The following PCLO variants were observed in gnomAD, a reference collection of about 807,000 sequenced individuals.
PCLO encodes protein piccolo.
In PCLO, 82 loss-of-function variants were observed where a neutral mutation model predicts 427.5. The ratio of observed to expected loss-of-function variants is 0.19; its 90% CI spans 0.16 to 0.23. The LOEUF (loss-of-function observed/expected upper bound fraction) is 0.23. Ranked by LOEUF, PCLO falls within the 10% of genes least tolerant of loss-of-function variation. The probability of loss-of-function intolerance (pLI) is 1.00; values close to 1 mark genes in which losing one functional copy is unlikely to be tolerated. For missense variants in PCLO, 6,239 were observed against 6,115.9 expected (o/e 1.02, Z -0.67); for synonymous variants, 2,357 against 2,155.4 (o/e 1.09, Z -2.59).
chr7:82,924,126 A>G (rs1794659361), intron 6 of PCLO, among the ~76,000 whole-genome samples: 1 of 152,112 alleles, frequency 6.6e-6, no homozygotes, highest in Admixed American at 6.6e-5. Context: ...TGTTTATCAT[A>G]GTGCCTTACT....
intron 3 of PCLO, among the ~76,000 whole-genome samples, chr7:83,092,266 C>T (rs908537511): frequency 5.9e-5 from 9 of 152,154 alleles, no homozygotes; most frequent in African/African-American, 2.2e-4. Context: ...GACATGATAG[C>T]TTTTCAGTCC....
At chr7:82,890,734 A>G (rs139309219) in intron 9 of PCLO, among the ~76,000 whole-genome samples, 26 of 152,126 alleles carry the variant, frequency 1.7e-4, no homozygotes, top group African/African-American at 4.8e-4. Context: ...ACCATGCTTC[A>G]TCTAGAGTCT....
At chr7:83,131,342 A>G (rs1791567036) in intron 3 of PCLO, among the ~76,000 whole-genome samples, 1 of 152,136 alleles carries the variant, frequency 6.6e-6, no homozygotes, top group African/African-American at 2.4e-5. Flanking sequence ...CTCCTCAGGT[A>G]CAGTGGGAGG....
intron 10 of PCLO, among the ~76,000 whole-genome samples, chr7:82,877,226 T>C (rs943644488): frequency 6.6e-6 from 1 of 152,122 alleles, no homozygotes; most frequent in Admixed American, 6.5e-5. Flanking sequence ...ATATACTGCG[T>C]TGATATTGTC....
At chr7:82,839,807 C>T (rs1207316322) in intron 14 of PCLO, among the ~76,000 whole-genome samples, 2 of 152,000 alleles carry the variant, frequency 1.3e-5, no homozygotes, top group Non-Finnish European at 2.9e-5. Context: ...ATGGGATGCC[C>T]CAGCAATCTT....
At chr7:82,858,234 A>C (rs1203271966) in intron 10 of PCLO, among the ~76,000 whole-genome samples, 1 of 152,142 alleles carries the variant, frequency 6.6e-6, no homozygotes, top group African/African-American at 2.4e-5. Context: ...CATCTCAATA[A>C]ATGTAGAAAA....
At chr7:82,991,125 T>C (rs905523771) in intron 3 of PCLO, among the ~76,000 whole-genome samples, 5 of 152,120 alleles carry the variant, frequency 3.3e-5, no homozygotes, top group Admixed American at 2.6e-4. Context: ...TTCTATCCAA[T>C]GGGGATAAAA....
chr7:82,758,443 A>T lies in PCLO; in HGVS notation c.*132T>A, dbSNP rs993663933. On this transcript the variant is annotated 3_prime_UTR_variant, in exon 25 of 25. Coordinates refer to ENST00000333891, the MANE Select transcript of PCLO (RefSeq NM_033026.6). ...ACAACAATAAATGTACAAGGTCTTA[A>T]GTATGTTTTTGCTTGTTGTTCCCAC... The T allele has an allele frequency of 1.4e-5, 9 of 638,842 alleles. No homozygotes were observed. Among genetic ancestry groups the T allele is most frequent in the African/African-American group, 1.1e-4 (6 of 53,802 alleles). The allele number at this position is 638,842 out of a possible 1,614,324, so 39.6% of individuals were successfully genotyped here. A position where few individuals can be genotyped will look rare whatever the true frequency, so the allele number is the denominator to read the frequency against.
At chr7:82,983,015 T>C (rs1388314563) in intron 3 of PCLO, among the ~76,000 whole-genome samples, 2 of 151,728 alleles carry the variant, frequency 1.3e-5, no homozygotes, top group African/African-American at 4.8e-5. Context: ...ATAACACTGA[T>C]GTATTATGAA....
chr7:83,081,961 T>A (rs1232706245), intron 3 of PCLO, among the ~76,000 whole-genome samples: 3 of 151,728 alleles, frequency 2.0e-5, no homozygotes, highest in African/African-American at 2.4e-5. Flanking sequence ...AAATTATTAA[T>A]GTATATATTT....
Position 82,952,249 on chromosome 7 carries a change from T to C in PCLO, c.8704A>G (p.Thr2902Ala). The C allele has an allele frequency of 6.2e-7, 1 of 1,613,914 alleles. No individual in the cohort carries two copies. Residue 2902 changes from threonine to alanine, a missense_variant, in exon 5 of 25, where the codon ACA becomes GCA. Thr to Ala is a moderately conservative substitution (Grantham distance 58, BLOSUM62 0). Coordinates refer to ENST00000333891, the MANE Select transcript of PCLO (RefSeq NM_033026.6). ...ITDGEVVDLS[T>A]TKSHRTVVTM... is the part of the protein sequence containing the mutation. Reference sequence around the variant, plus strand: ...ACGACTGTTCTGTGAGACTTGGTTGTACTGAGATCCACTACTTCCCCATCA... The same window carrying C: ...ACGACTGTTCTGTGAGACTTGGTTGCACTGAGATCCACTACTTCCCCATCA...
intron 22 of PCLO, among the ~76,000 whole-genome samples, chr7:82,785,985 G>C (rs1406852797): frequency 6.6e-6 from 1 of 152,100 alleles, no homozygotes. Flanking sequence ...GCTAGAGAGT[G>C]ACAAAGTCAG....
chr7:82,916,948 A>T (rs1410189330), intron 6 of PCLO, 75 bp from the exon 7 acceptor site: 1 of 996,256 alleles, frequency 1.0e-6, no homozygotes, highest in African/African-American at 1.6e-5. Context: ...CATGAATTAT[A>T]TTTAATAAAA....
intron 6 of PCLO, among the ~76,000 whole-genome samples, chr7:82,947,999 T>G (rs2116409268): frequency 6.6e-6 from 1 of 152,290 alleles, no homozygotes; most frequent in South Asian, 2.1e-4. Context: ...AACAGAAGTC[T>G]TCACTATTAC....
At position 83,156,264 on chromosome 7, in the gene PCLO, G is replaced by A. The variant is rs1176930182; in HGVS notation, c.377C>T (p.Pro126Leu). The change falls in exon 2 of 25, where the codon CCT (proline) becomes CTT (leucine). Residue 126 changes from proline (P) to leucine (L), a missense_variant. By Grantham distance (98) the Pro-to-Leu change is moderately conservative (BLOSUM62 -3). This residue lies in a region of PCLO where 4,677 missense variants were observed against 4,468.4 expected (regional missense o/e 1.05). Coordinates refer to ENST00000333891, the MANE Select transcript of PCLO (RefSeq NM_033026.6). Reference protein sequence around the residue: ...TDTFRSEQKLPGRSPSTISLK... With the variant: ...TDTFRSEQKLLGRSPSTISLK... ...GCTAATAGTGGAAGGACTCCTCCCA[G>A]GCAATTTCTGCTCTGACCTGAAAGT... 6.2e-7 allele frequency: 1 copy of A among 1,613,604 alleles called. No homozygotes were observed. The highest frequency in any genetic ancestry group is 8.5e-7 in the Non-Finnish European group (1 of 1,179,650).
chr7:83,136,053 G>A (rs59863833), intron 2 of PCLO, among the ~76,000 whole-genome samples: 9 of 151,708 alleles, frequency 5.9e-5, no homozygotes, highest in East Asian at 1.9e-4. Flanking sequence ...AGCCGAGATC[G>A]CGCCATTGCA....
intron 3 of PCLO, among the ~76,000 whole-genome samples, chr7:83,093,310 T>C (rs1471083827): frequency 6.6e-6 from 1 of 151,330 alleles, no homozygotes; most frequent in Non-Finnish European, 1.5e-5. Context: ...CATCATTCTA[T>C]ACTTCAAATT....
chr7:82,866,154 A>C (rs1793087456), intron 10 of PCLO, among the ~76,000 whole-genome samples: 1 of 152,078 alleles, frequency 6.6e-6, no homozygotes, highest in African/African-American at 2.4e-5. Context: ...CTATAATGCA[A>C]GACAACTCCC....
chr7:83,081,862 T>C (rs1429243940), intron 3 of PCLO, among the ~76,000 whole-genome samples: 1 of 151,812 alleles, frequency 6.6e-6, no homozygotes, highest in African/African-American at 2.4e-5. Context: ...TATTTTTTGA[T>C]ACCATATAAT....
Sources: gnomAD v4.1 joint callset for allele counts (sites outside exome capture counted in the v4.1 genomes callset) on GRCh38, gnomAD v4.1.1 for gene constraint, gnomAD v4.1.1 regional missense constraint, MANE v1.5 for transcripts, NCBI Gene and HGNC (gene_info 2026-07-23, HGNC 2026-07-21) for gene names.